TNS1: variants seen among roughly 807,000 people sequenced by gnomAD.
TNS1 encodes tensin-1.
Under a neutral mutation model 168.6 loss-of-function variants are expected in TNS1, and 62 were observed. That is an observed-to-expected ratio of 0.37 (90% CI 0.30 to 0.45). TNS1 has a LOEUF of 0.45. Among genes scored for constraint, TNS1 ranks in the 20% least tolerant of loss-of-function variants. TNS1 has a pLI of 1.00. For synonymous variants in TNS1, 934 were observed against 933.2 expected, an observed-to-expected ratio of 1.00 and a Z score of -0.02; for missense variants, 2,240 against 2,339.4, an observed-to-expected ratio of 0.96 and a Z score of 0.88.
intron 19 of TNS1, 121 bp downstream of exon 19, chr2:217,847,389 G>A (rs957163885): frequency 5.4e-5 from 52 of 970,240 alleles, no homozygotes; most frequent in Non-Finnish European, 6.3e-5. Flanking sequence ...ATAGGCTCCT[G>A]AGAGCCTCCT....
At chr2:217,962,594 T>A (rs1363915374) in intron 3 of TNS1, among the ~76,000 whole-genome samples, 1 of 152,116 alleles carries the variant, frequency 6.6e-6, no homozygotes, top group Non-Finnish European at 1.5e-5. Flanking sequence ...TACTGACAAA[T>A]AAATAATGGA....
At chr2:217,901,849 G>A (rs1403266007) in intron 6 of TNS1, 3 of 152,274 alleles carry the variant, frequency 2.0e-5, no homozygotes, top group South Asian at 2.1e-4. Context: ...GGTGGGTTCC[G>A]AGGTCCAGCT....
intron 28 of TNS1, 88 bp from the exon 29 acceptor site, chr2:217,810,407 T>C: frequency 7.7e-7 from 1 of 1,299,298 alleles, no homozygotes. Context: ...CTGCAACTCT[T>C]TGGCAGAAGG....
chr2:217,870,745 G>C (rs912055441), intron 18 of TNS1, among the ~76,000 whole-genome samples: 1 of 152,202 alleles, frequency 6.6e-6, no homozygotes, highest in Non-Finnish European at 1.5e-5. Context: ...GGAGGGTATT[G>C]GTTTACCGTG....
intron 3 of TNS1, among the ~76,000 whole-genome samples, chr2:217,972,578 T>G (rs951994260): frequency 2.6e-5 from 4 of 152,198 alleles, no homozygotes; most frequent in Non-Finnish European, 5.9e-5. Flanking sequence ...TCCGCCTCAG[T>G]TGGTACTTGG....
chr2:217,918,728 G>A (rs1955392137), intron 4 of TNS1, among the ~76,000 whole-genome samples: 1 of 152,172 alleles, frequency 6.6e-6, no homozygotes, highest in Non-Finnish European at 1.5e-5. Flanking sequence ...GCTGGAATAA[G>A]GAGAAATGGA....
chr2:217,817,710 A>C lies in TNS1; in HGVS notation c.4622T>G (p.Phe1541Cys), dbSNP rs1325764905. The change falls in exon 24 of 33, where the codon TTC becomes TGC. Residue 1541 changes from phenylalanine to cysteine, a missense_variant. Phe to Cys is a radical substitution (Grantham distance 205). Transcript: ENST00000682258. Reference sequence around the variant, plus strand: ...CCCACCTGGCATGGAGTACTTGGAGAAGTCGGGCAGAGTGTGGGAGAAGGA... The same window carrying C: ...CCCACCTGGCATGGAGTACTTGGAGCAGTCGGGCAGAGTGTGGGAGAAGGA... Reference protein sequence around the residue: ...TVSFSHTLPDFSKYSMPDNSP... With the variant: ...TVSFSHTLPDCSKYSMPDNSP... The C allele has an allele frequency of 6.3e-7, 1 of 1,598,972 alleles. No homozygotes were observed. The highest frequency in any genetic ancestry group is 8.6e-7 in the Non-Finnish European group (1 of 1,168,904).
chr2:218,030,924 AGT>A (rs1247404743), intron 1 of TNS1, among the ~76,000 whole-genome samples: 6 of 151,820 alleles, frequency 4.0e-5, no homozygotes, highest in African/African-American at 1.5e-4. Context: ...CATGGGTATG[AGT>A]GTGTGAGCAT....
At chr2:217,982,382 T>C (rs1341536022) in intron 2 of TNS1, among the ~76,000 whole-genome samples, 1 of 151,910 alleles carries the variant, frequency 6.6e-6, no homozygotes, top group Admixed American at 6.6e-5. Flanking sequence ...ATTTTGATTT[T>C]TTTTCTTTTC....
chr2:217,898,098 A>C, intron 7 of TNS1, 129 bp from the exon 8 acceptor site: 2 of 1,120,156 alleles, frequency 1.8e-6, no homozygotes, highest in Non-Finnish European at 2.4e-6. Flanking sequence ...GCTGCTCTTC[A>C]ACCCAAGGCC....
At chr2:217,849,111 GAGACAAC>G in intron 18 of TNS1, 24 bp from the exon 19 acceptor site, 1 of 1,594,524 alleles carries the variant, frequency 6.3e-7, no homozygotes, top group Non-Finnish European at 8.6e-7. Context: ...AGCCGGAGGG[GAGACAAC>G]AGACAACAGA....
At chr2:217,992,875 G>C (rs1958402326) in intron 1 of TNS1, among the ~76,000 whole-genome samples, 1 of 152,168 alleles carries the variant, frequency 6.6e-6, no homozygotes, top group Non-Finnish European at 1.5e-5. Flanking sequence ...GAAGATCAGA[G>C]CATCAAAATA....
intron 18 of TNS1, among the ~76,000 whole-genome samples, chr2:217,859,986 G>A (rs549310992): frequency 7.9e-5 from 12 of 152,154 alleles, no homozygotes; most frequent in South Asian, 2.1e-4. Context: ...TGGGCTTTGC[G>A]GCCAGGCCAG....
chr2:217,842,451 TTC>T (rs1946105509), intron 19 of TNS1, among the ~76,000 whole-genome samples: 1 of 152,228 alleles, frequency 6.6e-6, no homozygotes. Context: ...TCTCTGACTT[TTC>T]TCTTTCTCTC....
intron 3 of TNS1, among the ~76,000 whole-genome samples, chr2:217,966,630 C>T (rs1469310657): frequency 6.6e-6 from 1 of 152,184 alleles, no homozygotes; most frequent in Admixed American, 6.5e-5. Flanking sequence ...ACCCCAGATG[C>T]ACTGAGTCAA....
At chr2:218,002,797 G>T (rs554581543) in intron 1 of TNS1, 43 bp downstream of exon 1, 1 of 456,576 alleles carries the variant, frequency 2.2e-6, no homozygotes. Context: ...GGGGCGGGGG[G>T]TTTGAGGAAG....
At chr2:217,804,708 C>T in intron 32 of TNS1, 105 bp from the exon 33 acceptor site, 1 of 1,433,276 alleles carries the variant, frequency 7.0e-7, no homozygotes, top group Non-Finnish European at 9.5e-7. Context: ...ACCTCTCTTC[C>T]CCATCCCTCC....
At chr2:217,957,159 C>A (rs1316450923) in intron 3 of TNS1, among the ~76,000 whole-genome samples, 1 of 152,194 alleles carries the variant, frequency 6.6e-6, no homozygotes, top group African/African-American at 2.4e-5. Flanking sequence ...CCCGGTAAGG[C>A]AGCTGTGCTT....
chr2:217,958,495 G>A (rs189461514), intron 3 of TNS1, among the ~76,000 whole-genome samples: 15 of 152,204 alleles, frequency 9.9e-5, no homozygotes, highest in Non-Finnish European at 2.1e-4. Context: ...GGAGAATGAC[G>A]ATGGTAAATG....
Sources: allele counts gnomAD v4.1 joint callset (sites outside exome capture counted in the v4.1 genomes callset), GRCh38; gene constraint gnomAD v4.1.1; transcripts MANE v1.5; gene names NCBI Gene and HGNC (gene_info 2026-07-23, HGNC 2026-07-21).